PDS5B: variants seen among roughly 807,000 people sequenced by gnomAD.
PDS5B encodes sister chromatid cohesion protein PDS5 homolog B.
PDS5B carries 51 observed loss-of-function variants against 184.1 expected under a neutral mutation model. The ratio of observed to expected loss-of-function variants is 0.28; its 90% CI spans 0.22 to 0.35. The LOEUF (loss-of-function observed/expected upper bound fraction) is 0.35. Among genes scored for constraint, PDS5B ranks in the 10% least tolerant of loss-of-function variants. PDS5B has a pLI of 1.00. For missense variants in PDS5B, 1,180 were observed against 1,723.3 expected, an observed-to-expected ratio of 0.68 and a Z score of 5.58; for synonymous variants, 566 against 569.2, an observed-to-expected ratio of 0.99 and a Z score of 0.08.
intron 1 of PDS5B, among the ~76,000 whole-genome samples, 196 bp downstream of exon 1, chr13:32,586,789 G>T (rs1353698597): frequency 6.8e-6 from 1 of 146,914 alleles, no homozygotes; most frequent in African/African-American, 2.5e-5. Context: ...GGCCCGGGGC[G>T]GGGGTCGCGG....
chr13:32,694,365 C>T, intron 14 of PDS5B, 61 bp downstream of exon 14: 1 of 970,948 alleles, frequency 1.0e-6, no homozygotes, highest in South Asian at 1.4e-5. Context: ...TTACTATTTA[C>T]CATTGCTGCT....
chr13:32,716,395 G>A (rs940325602), intron 19 of PDS5B, among the ~76,000 whole-genome samples: 54 of 149,394 alleles, frequency 3.6e-4, no homozygotes, highest in African/African-American at 1.2e-3. Context: ...CAGCCACCCC[G>A]TTTGAGAAGT....
chr13:32,643,252 C>T (rs973175409), intron 1 of PDS5B, among the ~76,000 whole-genome samples: 9 of 152,120 alleles, frequency 5.9e-5, no homozygotes, highest in African/African-American at 2.2e-4. Context: ...TGAGTATCTT[C>T]TTTGGTTGAA....
chr13:32,756,849 C>T (rs898870004), intron 26 of PDS5B, among the ~76,000 whole-genome samples: 2 of 152,036 alleles, frequency 1.3e-5, no homozygotes, highest in Non-Finnish European at 2.9e-5. Context: ...TCGGCCAGGC[C>T]TGGTGGCTCA....
intron 1 of PDS5B, among the ~76,000 whole-genome samples, chr13:32,590,907 G>T (rs936645920): frequency 6.6e-6 from 1 of 151,178 alleles, no homozygotes. Context: ...TCTATTAGGG[G>T]AATAGAGTAC....
At chr13:32,701,623 T>C (rs45543534) in intron 17 of PDS5B, among the ~76,000 whole-genome samples, 185 bp downstream of exon 17, 16 of 14,404 alleles carry the variant, frequency 1.1e-3, no homozygotes, top group Middle Eastern at 0.025. Context: ...GACACACACA[T>C]ATATATATAT....
intron 6 of PDS5B, among the ~76,000 whole-genome samples, chr13:32,659,720 A>G (rs998831253): frequency 2.0e-5 from 3 of 152,162 alleles, no homozygotes; most frequent in African/African-American, 7.2e-5. Flanking sequence ...TGCGTGATTA[A>G]TTAAGATGTT....
At chr13:32,676,045 G>C in intron 9 of PDS5B, 86 bp downstream of exon 9, 1 of 693,648 alleles carries the variant, frequency 1.4e-6, no homozygotes, top group South Asian at 2.1e-5. Flanking sequence ...TTTAAACTGT[G>C]TTCTCTGGAA....
chr13:32,611,749 T>G (rs908323652), intron 1 of PDS5B, among the ~76,000 whole-genome samples: 1 of 152,016 alleles, frequency 6.6e-6, no homozygotes, highest in Non-Finnish European at 1.5e-5. Flanking sequence ...GCTCAAGTGA[T>G]CCTTCCATCT....
At chr13:32,694,646 T>G (rs1262887636) in intron 14 of PDS5B, among the ~76,000 whole-genome samples, 1 of 151,900 alleles carries the variant, frequency 6.6e-6, no homozygotes, top group Non-Finnish European at 1.5e-5. Context: ...CACTCTAAGA[T>G]GTTCCCTACT....
chr13:32,608,471 G>T (rs866560789), intron 1 of PDS5B, among the ~76,000 whole-genome samples: 2 of 152,108 alleles, frequency 1.3e-5, no homozygotes, highest in Non-Finnish European at 2.9e-5. Context: ...TACAGTGATT[G>T]ATATATATAT....
intron 21 of PDS5B, among the ~76,000 whole-genome samples, chr13:32,739,878 T>G (rs1305885814): frequency 6.6e-6 from 1 of 152,162 alleles, no homozygotes; most frequent in East Asian, 1.9e-4. Flanking sequence ...AGATTTCTTA[T>G]GTTGTTTGTT....
At chr13:32,622,254 A>G (rs927823313) in intron 1 of PDS5B, among the ~76,000 whole-genome samples, 4 of 152,082 alleles carry the variant, frequency 2.6e-5, no homozygotes, top group Admixed American at 6.5e-5. Flanking sequence ...TTCCCTTTCT[A>G]TACCACTTTT....
intron 3 of PDS5B, among the ~76,000 whole-genome samples, chr13:32,656,991 G>A (rs1950530197): frequency 6.6e-6 from 1 of 152,150 alleles, no homozygotes; most frequent in African/African-American, 2.4e-5. Flanking sequence ...ATTGTTTTAT[G>A]GCTTATTATG....
At chr13:32,598,870 A>G (rs1442069726) in intron 1 of PDS5B, among the ~76,000 whole-genome samples, 1 of 146,422 alleles carries the variant, frequency 6.8e-6, no homozygotes, top group East Asian at 2.0e-4. Flanking sequence ...TCCTGGGTTC[A>G]CGCCATTCTC....
Position 32,651,872 on chromosome 13 carries a change from A to T in PDS5B, c.177A>T (p.Leu59=). The stretch of plus-strand genomic sequence containing the variant: ...AAGAAAAGGAGCTTTATTTAAACCT[A>T]GCTTTACATCTTGCTTCAGATTTTT... ...SEEEKELYLN[L]ALHLASDFFL... Residue 59 remains leucine (L), a synonymous_variant, in exon 3 of 35, where the codon CTA becomes CTT. Transcript: ENST00000315596. 6.2e-7 allele frequency: 1 copy of T among 1,613,488 alleles called. No individual in the cohort carries two copies. Among genetic ancestry groups the T allele is most frequent in the Non-Finnish European group, 8.5e-7 (1 of 1,179,466 alleles).
intron 19 of PDS5B, among the ~76,000 whole-genome samples, chr13:32,724,226 C>G (rs1455051683): frequency 6.6e-6 from 1 of 152,086 alleles, no homozygotes; most frequent in Non-Finnish European, 1.5e-5. Flanking sequence ...AAGTGACCAT[C>G]CCACCTCAGC....
chr13:32,645,863 A>G (rs58400852), intron 1 of PDS5B, among the ~76,000 whole-genome samples: 3,618 of 152,250 alleles, frequency 0.024, 137 homozygotes, highest in African/African-American at 0.083. Context: ...GTCTCCCAAA[A>G]CATCACTGTC....
At chr13:32,619,452 T>C in intron 1 of PDS5B, among the ~76,000 whole-genome samples, 1 of 152,146 alleles carries the variant, frequency 6.6e-6, no homozygotes, top group East Asian at 1.9e-4. Flanking sequence ...AGTAAAAATA[T>C]GATGGATAAA....
Sources: gnomAD v4.1 joint callset for allele counts (sites outside exome capture counted in the v4.1 genomes callset) on GRCh38, gnomAD v4.1.1 for gene constraint, MANE v1.5 for transcripts, NCBI Gene and HGNC (gene_info 2026-07-23, HGNC 2026-07-21) for gene names.